The following NHSL1 variants were observed in gnomAD, a reference collection of about 807,000 sequenced individuals.
NHSL1 encodes NHS like 1.
Under a neutral mutation model 95.0 loss-of-function variants are expected in NHSL1, and 48 were observed. That is an observed-to-expected ratio of 0.51 (90% CI 0.40 to 0.64). NHSL1 has a LOEUF of 0.64. Ranked by LOEUF, NHSL1 falls within the 30% of genes least tolerant of loss-of-function variation. The pLI, the probability that NHSL1 is intolerant of heterozygous loss-of-function variation, is 0.00. For missense variants in NHSL1, 1,971 were observed against 2,077.7 expected, an observed-to-expected ratio of 0.95 and a Z score of 1.00; for synonymous variants, 783 against 833.9, an observed-to-expected ratio of 0.94 and a Z score of 1.05.
chr6:138,437,448 A>C lies in NHSL1; in HGVS notation c.665-3768T>G, dbSNP rs56056609. 7.5e-3 allele frequency among the ~76,000 whole-genome samples: 895 copies of C among 118,552 alleles called. 44 individuals are homozygous for C. Among genetic ancestry groups the C allele is most frequent in the African/African-American group, 0.032 (795 of 24,464 alleles). 77.8% of individuals were successfully genotyped at this position (118,552 alleles called of 152,430 possible). ...CACACACACACACACACACACACAA[A>C]AAAAAAAAAAAAAAATACAATGCAC... On this transcript the variant is annotated intron_variant, in intron 5 of 7. Coordinates refer to ENST00000343505, the MANE Select transcript of NHSL1 (RefSeq NM_001144060.2).
intron 1 of NHSL1, among the ~76,000 whole-genome samples, chr6:138,671,342 C>T (rs1208702839): frequency 2.0e-5 from 3 of 151,108 alleles, no homozygotes; most frequent in African/African-American, 7.3e-5. Flanking sequence ...CCCAGCTACT[C>T]GGGAGGCTGA....
At chr6:138,630,599 G>A (rs1268862066) in intron 1 of NHSL1, among the ~76,000 whole-genome samples, 2 of 152,238 alleles carry the variant, frequency 1.3e-5, no homozygotes, top group East Asian at 3.9e-4. Context: ...TGGCCAAGCT[G>A]GTCTCGAACT....
At chr6:138,581,818 A>G (rs1784061356) in intron 1 of NHSL1, among the ~76,000 whole-genome samples, 1 of 151,558 alleles carries the variant, frequency 6.6e-6, no homozygotes, top group Admixed American at 6.6e-5. Flanking sequence ...TACTTTCTGA[A>G]TCTTGTAGTC....
intron 1 of NHSL1, chr6:138,650,086 T>A: frequency 2.0e-6 from 1 of 508,606 alleles, no homozygotes; most frequent in Non-Finnish European, 4.0e-6. Context: ...ATGGCAAATA[T>A]GGAAACTGAA....
At chr6:138,438,477 T>C (rs6922841) in intron 5 of NHSL1, among the ~76,000 whole-genome samples, 1,976 of 152,326 alleles carry the variant, frequency 0.013, 39 homozygotes, top group African/African-American at 0.045. Flanking sequence ...CACTTTATTG[T>C]AGTGGTCTGG....
intron 1 of NHSL1, among the ~76,000 whole-genome samples, chr6:138,630,446 G>T (rs1784803864): frequency 6.6e-6 from 1 of 151,832 alleles, no homozygotes; most frequent in Non-Finnish European, 1.5e-5. Flanking sequence ...AGTCTAGAGT[G>T]CCCAGCCGAG....
Position 138,432,915 on chromosome 6 carries a change from G to T in NHSL1, c.1430C>A (p.Thr477Asn). 6.4e-7 allele frequency: 1 copy of T among 1,551,442 alleles called. No individual in the cohort carries two copies. The highest frequency in any genetic ancestry group is 1.2e-5 in the South Asian group (1 of 84,066). Residue 477 changes from threonine (T) to asparagine (N), a missense_variant, in exon 6 of 8, where the codon ACC becomes AAC. Thr to Asn is a moderately conservative substitution (Grantham distance 65). Transcript: ENST00000343505. This position sits in a 1 kb window ranked among gnomAD's most constrained non-coding sequence, Gnocchi z 4.4. ...AGGGTCTAAGTCCTGTGAAAGAATG[G>T]TGGCATGGCCCTCATTCCAGTGGCG... ...PGRHWNEGHA[T>N]ILSQDLDPHS...
chr6:138,440,262 G>C (rs139956615), intron 5 of NHSL1, among the ~76,000 whole-genome samples: 1 of 152,238 alleles, frequency 6.6e-6, no homozygotes, highest in Non-Finnish European at 1.5e-5. Flanking sequence ...ATTAGTTTCC[G>C]AATTAGTTAG....
chr6:138,495,569 G>A (rs1256665031), intron 2 of NHSL1, among the ~76,000 whole-genome samples: 1 of 152,144 alleles, frequency 6.6e-6, no homozygotes, highest in Non-Finnish European at 1.5e-5. Flanking sequence ...TGTCAGCAGT[G>A]GTTTATTTGG....
upstream of NHSL1, among the ~76,000 whole-genome samples, chr6:138,500,536 T>C (rs532142842): frequency 6.6e-6 from 1 of 152,210 alleles, no homozygotes; most frequent in Non-Finnish European, 1.5e-5. Context: ...TTAGACAACC[T>C]CTTATTTCAT....
chr6:138,680,643 TTC>T (rs1785500832), intron 1 of NHSL1, among the ~76,000 whole-genome samples: 1 of 152,064 alleles, frequency 6.6e-6, no homozygotes, highest in South Asian at 2.1e-4. Flanking sequence ...TTAAAGCAGG[TTC>T]TCACTCTGTC....
chr6:138,428,540 A>G (rs1251672707), intron 7 of NHSL1, among the ~76,000 whole-genome samples: 1 of 152,248 alleles, frequency 6.6e-6, no homozygotes, highest in Non-Finnish European at 1.5e-5. Flanking sequence ...GATCTATTAT[A>G]CCAACACTAG....
At chr6:138,523,485 T>A (rs1464185919) in intron 1 of NHSL1, among the ~76,000 whole-genome samples, 1 of 151,762 alleles carries the variant, frequency 6.6e-6, no homozygotes, top group Non-Finnish European at 1.5e-5. Flanking sequence ...CTGTTTAAAC[T>A]TTTTGTCGAG....
chr6:138,447,206 A>T lies in NHSL1; in HGVS notation c.340-13T>A. The T allele has an allele frequency of 6.5e-7, 1 of 1,546,580 alleles. No individual in the cohort carries two copies. The highest frequency in any genetic ancestry group is 8.7e-7 in the Non-Finnish European group (1 of 1,144,038). On this transcript the variant is annotated splice_polypyrimidine_tract_variant and intron_variant, in intron 3 of 7. Coordinates refer to ENST00000343505, the MANE Select transcript of NHSL1 (RefSeq NM_001144060.2). ...AAGACAGAGAACACTGCAGAGAAAA[A>T]AGAAGCAGCAGCCACAGTGTATAAA...
At chr6:138,617,023 C>T (rs1239310347) in intron 1 of NHSL1, among the ~76,000 whole-genome samples, 1 of 152,152 alleles carries the variant, frequency 6.6e-6, no homozygotes, top group Non-Finnish European at 1.5e-5. Context: ...CAGTGCTATT[C>T]TTTAAAAGGT....
chr6:138,459,414 T>G (rs1777848322), intron 3 of NHSL1, among the ~76,000 whole-genome samples: 6 of 152,240 alleles, frequency 3.9e-5, no homozygotes, highest in Admixed American at 3.9e-4. Flanking sequence ...TTTGTAGATA[T>G]GAAAGTTATT....
intron 1 of NHSL1, among the ~76,000 whole-genome samples, chr6:138,515,862 A>G (rs181620367): frequency 1.3e-5 from 2 of 152,354 alleles, no homozygotes; most frequent in African/African-American, 4.8e-5. Context: ...CAACTCAACA[A>G]GAGGGCATAA....
At position 138,422,550 on chromosome 6, in the gene NHSL1, A is replaced by G. The variant is rs190756323; in HGVS notation, c.*1531T>C. 6.6e-6 allele frequency: 1 copy of G among 152,310 alleles called. No individual in the cohort carries two copies. The highest frequency in any genetic ancestry group is 1.5e-5 in the Non-Finnish European group (1 of 68,020). 9.4% of individuals were successfully genotyped at this position (152,310 alleles called of 1,614,324 possible). A position where few individuals can be genotyped will look rare whatever the true frequency, so the allele number is the denominator to read the frequency against. The stretch of plus-strand genomic sequence containing the variant: ...CTAGATTCAGACCAAGACTCTCCGC[A>G]TTGTCATCCTAGGTCCTTCTAATGA... On this transcript the variant is annotated 3_prime_UTR_variant, in exon 8 of 8. Coordinates refer to ENST00000343505, the MANE Select transcript of NHSL1 (RefSeq NM_001144060.2).
chr6:138,537,271 A>G (rs1462314155), intron 1 of NHSL1, among the ~76,000 whole-genome samples: 1 of 152,214 alleles, frequency 6.6e-6, no homozygotes, highest in Non-Finnish European at 1.5e-5. Flanking sequence ...GGATACTCTC[A>G]CTGGCTTACA....
Sources: allele counts gnomAD v4.1 joint callset (sites outside exome capture counted in the v4.1 genomes callset), GRCh38; gene constraint gnomAD v4.1.1; non-coding constraint Gnocchi (gnomAD v3.1); transcripts MANE v1.5; gene names NCBI Gene and HGNC (gene_info 2026-07-23, HGNC 2026-07-21).